Variants in SH3GL3 observed in about 807,000 individuals in gnomAD.
The protein encoded by SH3GL3 is endophilin-A3.
In SH3GL3, 33 loss-of-function variants were observed where a neutral mutation model predicts 47.7. The ratio of observed to expected loss-of-function variants is 0.69; its 90% CI spans 0.52 to 0.92. The LOEUF (loss-of-function observed/expected upper bound fraction) is 0.92, where lower values mean the gene tolerates loss of function less well. Among genes scored for constraint, SH3GL3 ranks in the 40% least tolerant of loss-of-function variants. The probability of loss-of-function intolerance (pLI) is 0.00; values close to 1 mark genes in which losing one functional copy is unlikely to be tolerated. For synonymous variants in SH3GL3, 155 were observed against 148.8 expected (o/e 1.04, Z -0.30); for missense variants, 363 against 417.8 (o/e 0.87, Z 1.14).
intron 1 of SH3GL3, among the ~76,000 whole-genome samples, chr15:83,547,620 C>T (rs1011171740): frequency 1.3e-5 from 2 of 152,086 alleles, no homozygotes; most frequent in Non-Finnish European, 2.9e-5. Context: ...GCAGGGGGGA[C>T]GATTGCTGGA....
chr15:83,463,452 T>C (rs1369287164), intron 1 of SH3GL3, among the ~76,000 whole-genome samples: 24 of 152,232 alleles, frequency 1.6e-4, no homozygotes, highest in Non-Finnish European at 1.5e-5. Flanking sequence ...GTGGCTTTAC[T>C]ATAGCTGTGC....
rs768434755 is a variant in SH3GL3, at chr15:83,559,314, T to C, written c.107T>C (p.Met36Thr). 1.9e-6 allele frequency: 3 copies of C among 1,572,520 alleles called. No homozygotes were observed. The highest frequency in any genetic ancestry group is 2.6e-6 in the Non-Finnish European group (3 of 1,142,110). Residue 36 changes from methionine to threonine, a missense_variant, in exon 2 of 9, where the codon ATG becomes ACG. Met to Thr is a moderately conservative substitution (Grantham distance 81). Coordinates refer to ENST00000427482, the MANE Select transcript of SH3GL3 (RefSeq NM_003027.5). ...AAACTAGACGATGAATTTCTTGACA[T>C]GGAAAGGGTAAGAGCATTTTAATAT... Reference protein sequence around the residue: ...GTKLDDEFLDMERKIDVTNKV... With the variant: ...GTKLDDEFLDTERKIDVTNKV...
At chr15:83,450,751 A>ATT (rs1434019712) in intron 1 of SH3GL3, among the ~76,000 whole-genome samples, 69 of 39,336 alleles carry the variant, frequency 1.8e-3, no homozygotes, top group South Asian at 3.3e-3. Context: ...TTAAAATGGG[A>ATT]TATTTTTCTT....
intron 1 of SH3GL3, among the ~76,000 whole-genome samples, chr15:83,522,459 TCTTCA>T (rs964441554): frequency 3.3e-5 from 5 of 152,202 alleles, no homozygotes; most frequent in Non-Finnish European, 7.3e-5. Context: ...ATTATGTACC[TCTTCA>T]CTTCTCTTCT....
At chr15:83,574,332 T>G (rs1896801) in intron 5 of SH3GL3, among the ~76,000 whole-genome samples, 1 of 151,808 alleles carries the variant, frequency 6.6e-6, no homozygotes, top group Non-Finnish European at 1.5e-5. Context: ...GCACACCCCT[T>G]GGCCCCGACA....
At chr15:83,567,559 G>A (rs1218977478) in intron 3 of SH3GL3, among the ~76,000 whole-genome samples, 1 of 152,152 alleles carries the variant, frequency 6.6e-6, no homozygotes. Flanking sequence ...AGGCTGAGCT[G>A]CACCTTGGGA....
At chr15:83,601,429 CT>C (rs1463027280) in intron 8 of SH3GL3, among the ~76,000 whole-genome samples, 1 of 152,102 alleles carries the variant, frequency 6.6e-6, no homozygotes, top group Non-Finnish European at 1.5e-5. Flanking sequence ...TCTGCAAATG[CT>C]TTTTCTGTGT....
chr15:83,498,250 C>A (rs968843497), intron 1 of SH3GL3, among the ~76,000 whole-genome samples: 1 of 152,170 alleles, frequency 6.6e-6, no homozygotes, highest in South Asian at 2.1e-4. Flanking sequence ...ATAAAACCAG[C>A]CTTCATCTTT....
intron 2 of SH3GL3, among the ~76,000 whole-genome samples, chr15:83,563,598 T>C (rs2045386744): frequency 6.6e-6 from 1 of 152,138 alleles, no homozygotes; most frequent in Non-Finnish European, 1.5e-5. Context: ...GTTCTGAATA[T>C]TTTTTTCAAA....
chr15:83,490,692 C>T, intron 1 of SH3GL3: 1 of 1,384,386 alleles, frequency 7.2e-7, no homozygotes, highest in South Asian at 1.4e-5. Flanking sequence ...TCAGGGAAAA[C>T]AGACCAAGCT....
intron 1 of SH3GL3, among the ~76,000 whole-genome samples, chr15:83,528,377 T>A (rs1184055103): frequency 6.6e-6 from 1 of 152,240 alleles, no homozygotes; most frequent in Non-Finnish European, 1.5e-5. Flanking sequence ...TGTTATTTTG[T>A]TGAATACGTT....
intron 1 of SH3GL3, among the ~76,000 whole-genome samples, chr15:83,506,526 A>G (rs1368893475): frequency 6.6e-6 from 1 of 152,084 alleles, no homozygotes; most frequent in Non-Finnish European, 1.5e-5. Context: ...GTTTTTCGGC[A>G]TTGTCCTGAC....
chr15:83,574,604 C>G (rs893649525), intron 5 of SH3GL3, among the ~76,000 whole-genome samples: 2 of 152,192 alleles, frequency 1.3e-5, no homozygotes, highest in Non-Finnish European at 2.9e-5. Context: ...ACAGCCAGGG[C>G]ACCCTTTCTG....
At chr15:83,597,853 C>T (rs2060273824) in intron 8 of SH3GL3, among the ~76,000 whole-genome samples, 1 of 152,128 alleles carries the variant, frequency 6.6e-6, no homozygotes, top group Admixed American at 6.5e-5. Context: ...CGTGATCTGC[C>T]CAACTCGGCC....
the SH3GL3 span, among the ~76,000 whole-genome samples, chr15:83,624,460 T>A: frequency 6.6e-6 from 1 of 152,250 alleles, no homozygotes; most frequent in South Asian, 2.1e-4. Flanking sequence ...AACCTATTCA[T>A]ATGAGAAACA....
At chr15:83,604,956 C>G (rs2060476247) in intron 8 of SH3GL3, among the ~76,000 whole-genome samples, 1 of 152,148 alleles carries the variant, frequency 6.6e-6, no homozygotes, top group Non-Finnish European at 1.5e-5. Context: ...GCACAGGGAG[C>G]CCACTAAATG....
chr15:83,542,829 T>C lies in SH3GL3; in HGVS notation c.46-16424T>C, dbSNP rs185635795. ...ATGTTGATTTTGTATCCTACAACTT[T>C]ATTGAATTTGTTTATTGGTTCTAAT... is the stretch of plus-strand genomic sequence containing the variant. On this transcript the variant is annotated intron_variant, in intron 1 of 8. Coordinates refer to ENST00000427482, the MANE Select transcript of SH3GL3 (RefSeq NM_003027.5). Among the ~76,000 whole-genome samples, 182 of 152,310 alleles carry C rather than the reference T, an allele frequency of 1.2e-3. 3 individuals carry two copies. Among genetic ancestry groups the C allele is most frequent in the Middle Eastern group, 0.01 (3 of 294 alleles).
rs554367355 is a variant in SH3GL3 at position 83,520,928 on chromosome 15, A to G, written c.46-38325A>G. ...ACATTATGTTGTGTATCTTAAACAT[A>G]TGCAATAAAAATTAAGCAAAAAATA... On this transcript the variant is annotated intron_variant, in intron 1 of 8. Transcript: ENST00000427482. Among the ~76,000 whole-genome samples, 110 of 152,322 alleles carry G rather than the reference A, an allele frequency of 7.2e-4. 1 individual carries two copies. The highest frequency in any genetic ancestry group is 2.5e-3 in the African/African-American group (106 of 41,574).
chr15:83,544,184 C>T (rs1365101433), intron 1 of SH3GL3, among the ~76,000 whole-genome samples: 1 of 151,936 alleles, frequency 6.6e-6, no homozygotes, highest in Non-Finnish European at 1.5e-5. Flanking sequence ...TTTGCTGTAT[C>T]CCATAGGTTT....
Sources: allele counts gnomAD v4.1 joint callset (sites outside exome capture counted in the v4.1 genomes callset), GRCh38; gene constraint gnomAD v4.1.1; transcripts MANE v1.5; gene names NCBI Gene and HGNC (gene_info 2026-07-23, HGNC 2026-07-21).